Variants in CELA3B observed in about 807,000 individuals in gnomAD.
The protein encoded by CELA3B is chymotrypsin-like elastase family member 3B.
A neutral mutation model predicts 37.2 loss-of-function variants in CELA3B; 34 were observed. The ratio of observed to expected loss-of-function variants is 0.91; its 90% CI spans 0.70 to 1.22. The LOEUF (loss-of-function observed/expected upper bound fraction) is 1.22. Ranked by LOEUF, CELA3B falls within the 50% of genes most tolerant of loss-of-function variation. The pLI is 0.00. For synonymous variants in CELA3B, 127 were observed against 143.5 expected (o/e 0.89, Z 0.82); for missense variants, 340 against 363.1 (o/e 0.94, Z 0.52).
chr1:21,985,115 CA>C lies in CELA3B; in HGVS notation c.642+792del, dbSNP rs1011687995. 9.1e-4 allele frequency among the ~76,000 whole-genome samples: 136 copies of C among 149,882 alleles called. 2 individuals are homozygous for C. The highest frequency in any genetic ancestry group is 6.4e-4 in the South Asian group (3 of 4,710). On this transcript the variant is annotated intron_variant, in intron 6 of 7. Transcript: ENST00000337107. ...GGTAACATAGTGAGATGCCCATCTA[CA>C]AAAAAAACTTTTTTAAATTAGCCAG...
At position 21,998,271 on chromosome 1, in the gene CELA3B, G is replaced by A. The variant is rs763297649; in HGVS notation, c.*82G>A. The A allele has an allele frequency of 3.7e-4, 169 of 459,484 alleles. 5 individuals carry two copies. Among genetic ancestry groups the A allele is most frequent in the Non-Finnish European group, 6.1e-4 (135 of 219,576 alleles). The allele number at this position is 459,484 out of a possible 1,614,324, so 28.5% of individuals were successfully genotyped here. A position where few individuals can be genotyped will look rare whatever the true frequency, so the allele number is the denominator to read the frequency against. On this transcript the variant is annotated 3_prime_UTR_variant, in exon 5 of 5. Transcript: ENST00000400277. ...TGTAGGAAAGGACAATTTGAACTTTGTTTGAGCTCATATTTTCCAATCCCA... is the reference window on the plus strand; with the variant it reads ...TGTAGGAAAGGACAATTTGAACTTTATTTGAGCTCATATTTTCCAATCCCA...
At chr1:21,981,005 T>C in intron 3 of CELA3B, 33 bp from the exon 4 acceptor site, 2 of 1,614,064 alleles carry the variant, frequency 1.2e-6, no homozygotes, top group Non-Finnish European at 1.7e-6. Flanking sequence ...AGGTAGCCAG[T>C]CAGGCCCAGA....
intron 7 of CELA3B, among the ~76,000 whole-genome samples, chr1:21,988,890 A>G (rs1478694393): frequency 7.9e-6 from 1 of 126,586 alleles, no homozygotes; most frequent in African/African-American, 2.7e-5. Flanking sequence ...ACTCTGTCTC[A>G]AAAAGAAAAA....
rs200445272 is a variant in CELA3B at position 21,981,030 on chromosome 1, G to A, written c.228-8G>A. 80 of 1,614,052 alleles carry A rather than the reference G, an allele frequency of 5.0e-5. No homozygotes were observed. In the East Asian group the frequency reaches 7.4e-4, roughly 15 times the overall value. On this transcript the variant is annotated splice_region_variant and splice_polypyrimidine_tract_variant and intron_variant, in intron 3 of 7. Transcript: ENST00000337107. ...TCAGGCCCAGACTGACCTCACCTCC[G>A]CCCGCAGGAGCTCCCGGACCTACCA...
intron 3 of CELA3B, 37 bp from the exon 4 acceptor site, chr1:21,981,001 C>G (rs1644800905): frequency 6.2e-7 from 1 of 1,614,074 alleles, no homozygotes; most frequent in Non-Finnish European, 8.5e-7. Flanking sequence ...AGGGAGGTAG[C>G]CAGTCAGGCC....
At chr1:21,978,722 C>A (rs139428443) in intron 2 of CELA3B, among the ~76,000 whole-genome samples, 2,184 of 152,196 alleles carry the variant, frequency 0.014, 59 homozygotes, top group African/African-American at 0.051. Context: ...GGTGGAATTT[C>A]AGGCACTGTG....
chr1:21,982,028 T>C (rs1285710533), intron 4 of CELA3B, among the ~76,000 whole-genome samples: 2 of 152,216 alleles, frequency 1.3e-5, no homozygotes, highest in South Asian at 2.1e-4. Flanking sequence ...CCCTGCCATA[T>C]GAAAAATTCT....
intron 4 of CELA3B, among the ~76,000 whole-genome samples, chr1:21,995,477 A>G (rs1186728012): frequency 6.6e-6 from 1 of 150,874 alleles, no homozygotes; most frequent in Non-Finnish European, 1.5e-5. Context: ...GGCTGTGCAG[A>G]ATGGAAACCA....
intron 4 of CELA3B, among the ~76,000 whole-genome samples, chr1:21,981,954 T>C (rs1462176692): frequency 6.6e-6 from 1 of 152,092 alleles, no homozygotes; most frequent in Non-Finnish European, 1.5e-5. Context: ...CTCGATCTCC[T>C]GACCTCGTGA....
chr1:21,984,363 C>T (rs1248821286), intron 6 of CELA3B, 32 bp downstream of exon 6: 5 of 1,605,138 alleles, frequency 3.1e-6, no homozygotes, highest in Non-Finnish European at 4.3e-6. Context: ...CGAGGTGGTG[C>T]TGGGTGTGCA....
intron 4 of CELA3B, among the ~76,000 whole-genome samples, chr1:21,982,638 C>G (rs1028270584): frequency 2.0e-5 from 3 of 152,028 alleles, no homozygotes; most frequent in African/African-American, 7.2e-5. Context: ...AGATCCACTG[C>G]ATCAGAAATT....
intron 6 of CELA3B, among the ~76,000 whole-genome samples, chr1:21,984,754 C>T (rs1182308266): frequency 1.3e-5 from 2 of 152,044 alleles, no homozygotes; most frequent in Non-Finnish European, 2.9e-5. Flanking sequence ...CGAGACCAGC[C>T]TGGCCAACAT....
exon 5 of CELA3B, chr1:21,998,424 C>T (rs547847774): frequency 6.2e-5 from 19 of 307,008 alleles, no homozygotes; most frequent in Non-Finnish European, 1.1e-4. Context: ...CATTTATCAT[C>T]AAACATCTAT....
chr1:21,995,144 CTT>C (rs764836069), intron 4 of CELA3B, among the ~76,000 whole-genome samples: 8 of 84,928 alleles, frequency 9.4e-5, no homozygotes, highest in Admixed American at 1.3e-4. Context: ...TCTTTTCTTT[CTT>C]TTTTTTTTTT....
chr1:21,979,291 G>A (rs1176098355), intron 2 of CELA3B, among the ~76,000 whole-genome samples: 1 of 151,504 alleles, frequency 6.6e-6, no homozygotes, highest in Non-Finnish European at 1.5e-5. Context: ...AGGCCAGTCT[G>A]GAACTTGTGA....
At chr1:21,993,012 T>C (rs1362124315), downstream of CELA3B, among the ~76,000 whole-genome samples, 4 of 142,018 alleles carry the variant, frequency 2.8e-5, 1 homozygote, top group African/African-American at 1.0e-4. Context: ...AGTTAGAACA[T>C]AGTTCTAATG....
Position 21,978,376 on chromosome 1 carries a change from C to T in CELA3B, c.51C>T (p.Gly17=), listed in dbSNP as rs1394590455. The change falls in exon 2 of 8, where the codon GGC becomes GGT. Residue 17 remains glycine, a synonymous_variant. Coordinates refer to ENST00000337107, the MANE Select transcript of CELA3B (RefSeq NM_007352.4). ...SSLLLVAVAS[G]YGPPSSRPSS... ...CTCTCCTCTCCCCTCTAGCCTCAGG[C>T]TATGGCCCACCTTCCTCTCGCCCTT... 3 of 1,614,086 alleles carry T rather than the reference C, an allele frequency of 1.9e-6. No homozygotes were observed. In the East Asian group the frequency reaches 6.7e-5, roughly 36 times the overall value.
chr1:21,993,890 C>T (rs1197550482), downstream of CELA3B, among the ~76,000 whole-genome samples: 8 of 146,060 alleles, frequency 5.5e-5, no homozygotes, highest in Middle Eastern at 3.4e-3. Flanking sequence ...TCAGCCCATC[C>T]GCTCCTCCAC....
chr1:21,992,301 G>A (rs1255462881), downstream of CELA3B, among the ~76,000 whole-genome samples: 5 of 151,720 alleles, frequency 3.3e-5, no homozygotes, highest in Non-Finnish European at 5.9e-5. Context: ...GTGGAGACAG[G>A]AGGGTAGCTT....
Sources: allele counts gnomAD v4.1 joint callset (sites outside exome capture counted in the v4.1 genomes callset), GRCh38; gene constraint gnomAD v4.1.1; transcripts MANE v1.5; gene names NCBI Gene and HGNC (gene_info 2026-07-23, HGNC 2026-07-21).